Variants in ADCY2 observed in about 807,000 individuals in gnomAD.
ADCY2 encodes adenylate cyclase type 2.
Under a neutral mutation model 125.2 loss-of-function variants are expected in ADCY2, and 31 were observed. The ratio of observed to expected loss-of-function variants is 0.25; its 90% confidence interval spans 0.19 to 0.33. The LOEUF is 0.33. Ranked by LOEUF, ADCY2 falls within the 10% of genes least tolerant of loss-of-function variation. ADCY2 has a pLI of 1.00. For missense variants in ADCY2, 904 were observed against 1,418.2 expected (o/e 0.64, Z 5.82); for synonymous variants, 512 against 548.4 (o/e 0.93, Z 0.93).
chr5:7,763,037 A>AG (rs1743274509), intron 16 of ADCY2, among the ~76,000 whole-genome samples: 3 of 115,642 alleles, frequency 2.6e-5, no homozygotes, highest in Admixed American at 2.0e-4. Context: ...GAGTGCTTTC[A>AG]TTTTCTTTGT....
chr5:7,753,956 A>G (rs1016142215), intron 15 of ADCY2, among the ~76,000 whole-genome samples: 2 of 152,186 alleles, frequency 1.3e-5, no homozygotes, highest in African/African-American at 4.8e-5. Flanking sequence ...CCTCTGGAAC[A>G]ACACATTTGG....
chr5:7,573,142 C>A (rs1314559857), intron 3 of ADCY2, among the ~76,000 whole-genome samples: 5 of 152,168 alleles, frequency 3.3e-5, no homozygotes, highest in African/African-American at 9.7e-5. Context: ...TTGTGGACTT[C>A]TAGCCTTGAA....
intron 3 of ADCY2, among the ~76,000 whole-genome samples, chr5:7,563,241 C>T (rs1390789007): frequency 6.6e-6 from 1 of 152,182 alleles, no homozygotes; most frequent in Non-Finnish European, 1.5e-5. Context: ...GTCTTTGTAA[C>T]TGAGGGAAAT....
At chr5:7,700,557 C>T (rs1010982587) in intron 7 of ADCY2, among the ~76,000 whole-genome samples, 8 of 149,628 alleles carry the variant, frequency 5.3e-5, no homozygotes, top group Non-Finnish European at 1.2e-4. Context: ...GTTCTCATTC[C>T]TTGTCTCAGG....
intron 2 of ADCY2, among the ~76,000 whole-genome samples, chr5:7,446,419 A>C (rs1250793595): frequency 6.6e-6 from 1 of 152,066 alleles, no homozygotes; most frequent in Non-Finnish European, 1.5e-5. Flanking sequence ...TTGCCTGGTA[A>C]TTTCTTTTAC....
At chr5:7,448,023 C>T (rs1474763684) in intron 2 of ADCY2, among the ~76,000 whole-genome samples, 2 of 152,118 alleles carry the variant, frequency 1.3e-5, no homozygotes, top group Non-Finnish European at 2.9e-5. Flanking sequence ...AAGAGGCCTC[C>T]CAAATATCTT....
intron 15 of ADCY2, among the ~76,000 whole-genome samples, chr5:7,750,343 T>G (rs1469838464): frequency 6.6e-6 from 1 of 152,240 alleles, no homozygotes; most frequent in African/African-American, 2.4e-5. Context: ...ATATCTCCAC[T>G]TTCTTGTTGA....
In ADCY2 at chr5:7,447,304, C is replaced by T. The variant is rs112314630; in HGVS notation, c.408+32534C>T. The stretch of plus-strand genomic sequence containing the variant: ...GACGGCCCTGCACACTGAGGTCTAA[C>T]TGCCTGTGACCCTGCCTGGCCACGG... On this transcript the variant is annotated intron_variant, in intron 2 of 24. Coordinates refer to ENST00000338316, the MANE Select transcript of ADCY2 (RefSeq NM_020546.3). Among the ~76,000 whole-genome samples, 857 of 152,338 alleles carry T rather than the reference C, an allele frequency of 5.6e-3. 7 individuals are homozygous for T. The highest frequency in any genetic ancestry group is 0.019 in the African/African-American group (797 of 41,576).
intron 22 of ADCY2, among the ~76,000 whole-genome samples, chr5:7,815,359 A>G (rs1484020734): frequency 2.0e-5 from 3 of 152,146 alleles, no homozygotes; most frequent in Non-Finnish European, 2.9e-5. Flanking sequence ...ACGGACATCC[A>G]TTCGGCCAAG....
At chr5:7,597,013 G>T (rs986913877) in intron 3 of ADCY2, among the ~76,000 whole-genome samples, 1 of 152,218 alleles carries the variant, frequency 6.6e-6, no homozygotes, top group African/African-American at 2.4e-5. Flanking sequence ...AGCTCCATGA[G>T]CCACTTTTTG....
rs72710500 is a variant in ADCY2, at chr5:7,706,909, C to A, written c.1268+7C>A. 4,225 of 1,613,754 alleles carry A rather than the reference C, an allele frequency of 2.6e-3. 7 individuals are homozygous for A. Among genetic ancestry groups the A allele is most frequent in the East Asian group, 3.1e-3 (137 of 44,868 alleles). On this transcript the variant is annotated splice_region_variant and intron_variant, in intron 8 of 24. Transcript: ENST00000338316. ...AAGCTGGAGGGGTCCCTGGGTAAGGCCAAGCATTGGATTTCTTTCTTCAAG... is the reference window on the plus strand; with the variant it reads ...AAGCTGGAGGGGTCCCTGGGTAAGGACAAGCATTGGATTTCTTTCTTCAAG...
At position 7,589,510 on chromosome 5, in the gene ADCY2, G is replaced by GAAAGAA. The variant is rs1162031729; in HGVS notation, c.571-36654_571-36653insGAAAAA. The stretch of plus-strand genomic sequence containing the variant: ...AGAAAGAAAGAAAGAAAGAAAGAAA[G>GAAAGAA]AAAAGAAAAGAAAGAGAAAGAAAGA... On this transcript the variant is annotated intron_variant, in intron 3 of 24. Transcript: ENST00000338316. 1.1e-4 allele frequency among the ~76,000 whole-genome samples: 10 copies of GAAAGAA among 88,130 alleles called. No individual in the cohort carries two copies. In the East Asian group the frequency reaches 2.4e-3, roughly 21 times the overall value. The allele number at this position is 88,130 out of a possible 152,430, so 57.8% of individuals were successfully genotyped here. A position where few individuals can be genotyped will look rare whatever the true frequency, so the allele number is the denominator to read the frequency against.
At chr5:7,767,901 G>A (rs897038090) in intron 17 of ADCY2, among the ~76,000 whole-genome samples, 15 of 152,166 alleles carry the variant, frequency 9.9e-5, no homozygotes, top group Non-Finnish European at 1.5e-5. Flanking sequence ...TGTGGTGGCA[G>A]GTGCCTATAG....
At chr5:7,563,338 C>A (rs1305542251) in intron 3 of ADCY2, among the ~76,000 whole-genome samples, 1 of 152,076 alleles carries the variant, frequency 6.6e-6, no homozygotes, top group Non-Finnish European at 1.5e-5. Flanking sequence ...AGGAAACTAG[C>A]GATGAGCATA....
intron 22 of ADCY2, among the ~76,000 whole-genome samples, chr5:7,805,961 TAAAG>T (rs1038990643): frequency 2.0e-5 from 3 of 151,956 alleles, no homozygotes; most frequent in African/African-American, 7.2e-5. Flanking sequence ...ACTTCAGTAA[TAAAG>T]AAAATAAAAG....
chr5:7,526,707 ACT>A (rs1366718841), intron 3 of ADCY2, among the ~76,000 whole-genome samples: 1 of 152,140 alleles, frequency 6.6e-6, no homozygotes, highest in Non-Finnish European at 1.5e-5. Flanking sequence ...TTTTTCAGCC[ACT>A]CTCTGATTTA....
At chr5:7,470,036 A>G (rs1358522959) in intron 2 of ADCY2, among the ~76,000 whole-genome samples, 1 of 151,820 alleles carries the variant, frequency 6.6e-6, no homozygotes, top group East Asian at 1.9e-4. Context: ...GCATATTTTA[A>G]ATAATTGGCC....
chr5:7,564,267 TTTA>T (rs1735817462), intron 3 of ADCY2, among the ~76,000 whole-genome samples: 1 of 152,204 alleles, frequency 6.6e-6, no homozygotes, highest in East Asian at 1.9e-4. Context: ...TGAGGACACA[TTTA>T]TATGCTAGGT....
chr5:7,419,236 C>A (rs1016507464), intron 2 of ADCY2, among the ~76,000 whole-genome samples: 5 of 152,062 alleles, frequency 3.3e-5, no homozygotes, highest in Admixed American at 3.3e-4. Context: ...CCAGGACTAC[C>A]CAGAGATTGG....
Sources: allele counts gnomAD v4.1 joint callset (sites outside exome capture counted in the v4.1 genomes callset), GRCh38; gene constraint gnomAD v4.1.1; transcripts MANE v1.5; gene names NCBI Gene and HGNC (gene_info 2026-07-23, HGNC 2026-07-21).